The following CHMP4C variants were observed in gnomAD, a reference collection of about 807,000 sequenced individuals.
CHMP4C encodes SNF7 homolog associated with Alix 3.
A neutral mutation model predicts 29.0 loss-of-function variants in CHMP4C; 28 were observed. That is an observed-to-expected ratio of 0.97 (90% CI 0.72 to 1.32). CHMP4C has a LOEUF of 1.32. CHMP4C is among the 40% of genes most tolerant of loss of function. The pLI is 0.00. For missense variants in CHMP4C, 291 were observed against 281.0 expected (o/e 1.04, Z -0.25); for synonymous variants, 106 against 102.4 (o/e 1.04, Z -0.21).
At chr8:81,746,836 C>A (rs146465237) in intron 1 of CHMP4C, among the ~76,000 whole-genome samples, 1 of 152,178 alleles carries the variant, frequency 6.6e-6, no homozygotes, top group African/African-American at 2.4e-5. Flanking sequence ...CAGTGTCATA[C>A]CATGAGAGTC....
intron 3 of CHMP4C, 72 bp downstream of exon 3, chr8:81,755,556 G>T (rs916633651): frequency 1.3e-6 from 1 of 786,072 alleles, no homozygotes; most frequent in Middle Eastern, 2.4e-4. Flanking sequence ...TATATAGTAG[G>T]CATGTTCCCT....
chr8:81,745,926 C>T (rs1376251995), intron 1 of CHMP4C, among the ~76,000 whole-genome samples: 2 of 152,160 alleles, frequency 1.3e-5, no homozygotes, highest in Non-Finnish European at 2.9e-5. Flanking sequence ...TGAAAATGTC[C>T]TTTTTGGCCA....
intron 1 of CHMP4C, among the ~76,000 whole-genome samples, chr8:81,741,015 G>T (rs1808756615): frequency 6.6e-6 from 1 of 152,074 alleles, no homozygotes; most frequent in Non-Finnish European, 1.5e-5. Flanking sequence ...ATTGGCTTAG[G>T]GTAATCATCA....
At chr8:81,752,344 C>T (rs1585946816) in intron 1 of CHMP4C, among the ~76,000 whole-genome samples, 2 of 152,058 alleles carry the variant, frequency 1.3e-5, no homozygotes, top group African/African-American at 4.8e-5. Flanking sequence ...GTCAAGAGGG[C>T]TCTACTTGTT....
chr8:81,741,638 A>G (rs974653089), intron 1 of CHMP4C, among the ~76,000 whole-genome samples: 1 of 152,182 alleles, frequency 6.6e-6, no homozygotes, highest in African/African-American at 2.4e-5. Flanking sequence ...CTATTTTGAC[A>G]TTCGTTTTTT....
chr8:81,756,367 C>A (rs1360287009), intron 3 of CHMP4C, among the ~76,000 whole-genome samples: 1 of 152,102 alleles, frequency 6.6e-6, no homozygotes, highest in Non-Finnish European at 1.5e-5. Context: ...ATGCAGCCTG[C>A]AAATCCTGCA....
chr8:81,755,270 G>C, intron 2 of CHMP4C, 100 bp from the exon 3 acceptor site: 1 of 510,922 alleles, frequency 2.0e-6, no homozygotes, highest in Non-Finnish European at 3.4e-6. Context: ...AAATAACTAA[G>C]AATTTATATT....
chr8:81,750,504 G>A (rs1808886880), intron 1 of CHMP4C, among the ~76,000 whole-genome samples: 1 of 151,820 alleles, frequency 6.6e-6, no homozygotes, highest in South Asian at 2.1e-4. Flanking sequence ...TACTCTGAAA[G>A]CTAAGGCAGG....
Position 81,732,753 on chromosome 8 carries a change from C to T in CHMP4C, c.127C>T (p.Leu43=). 6.2e-7 allele frequency: 1 copy of T among 1,610,434 alleles called. No homozygotes were observed. Among genetic ancestry groups the T allele is most frequent in the Non-Finnish European group, 8.5e-7 (1 of 1,178,514 alleles). ...EEMLGKKQEY[L]ENRIQREIAL... ...GATGCTGGGCAAGAAACAAGAGTAC[C>T]TGGAAAATCGAATCCAGAGAGAAAT... The change falls in exon 1 of 5, where the codon CTG becomes TTG. Residue 43 remains leucine (L), a synonymous_variant. Transcript: ENST00000297265.
At chr8:81,738,599 C>A (rs934558878) in intron 1 of CHMP4C, among the ~76,000 whole-genome samples, 7 of 152,164 alleles carry the variant, frequency 4.6e-5, no homozygotes, top group African/African-American at 1.7e-4. Flanking sequence ...AGTCCTCAGA[C>A]ACTGCAGATC....
chr8:81,755,602 G>T (rs906738957), intron 3 of CHMP4C, 118 bp downstream of exon 3: 11 of 552,306 alleles, frequency 2.0e-5, no homozygotes, highest in Non-Finnish European at 3.6e-5. Context: ...TGTAAGAAAG[G>T]TACTTCTCTT....
chr8:81,738,577 G>C lies in CHMP4C; in HGVS notation c.190+5761G>C, dbSNP rs547456741. ...TGCTTTTTATCATAGTTGTCATAGA[G>C]CTCAATTCTGCAGTCCTCAGACACT... On this transcript the variant is annotated intron_variant, in intron 1 of 4. Transcript: ENST00000297265. 1.8e-4 allele frequency among the ~76,000 whole-genome samples: 28 copies of C among 152,274 alleles called. 1 individual carries two copies. The highest frequency in any genetic ancestry group is 6.7e-4 in the African/African-American group (28 of 41,564).
At chr8:81,747,634 T>C (rs1808844400) in intron 1 of CHMP4C, among the ~76,000 whole-genome samples, 1 of 152,178 alleles carries the variant, frequency 6.6e-6, no homozygotes, top group Non-Finnish European at 1.5e-5. Flanking sequence ...GGTTCTTTTC[T>C]ATTTTCCTAA....
intron 1 of CHMP4C, among the ~76,000 whole-genome samples, chr8:81,750,464 C>T (rs1808886031): frequency 6.6e-6 from 1 of 151,368 alleles, no homozygotes; most frequent in African/African-American, 2.4e-5. Flanking sequence ...AAAAAGACTC[C>T]GTACAGTGAC....
chr8:81,740,284 G>T (rs780125239), intron 1 of CHMP4C, among the ~76,000 whole-genome samples: 6 of 152,198 alleles, frequency 3.9e-5, no homozygotes, highest in Non-Finnish European at 5.9e-5. Flanking sequence ...TGGCTGTTTG[G>T]GGGGTAGGGG....
At chr8:81,756,102 A>G (rs1018693320) in intron 3 of CHMP4C, among the ~76,000 whole-genome samples, 2 of 152,166 alleles carry the variant, frequency 1.3e-5, no homozygotes, top group East Asian at 1.9e-4. Flanking sequence ...AAAGAATCCA[A>G]CTTCCTGCAT....
intron 1 of CHMP4C, among the ~76,000 whole-genome samples, chr8:81,734,336 T>C (rs533118327): frequency 2.6e-5 from 4 of 152,258 alleles, no homozygotes; most frequent in African/African-American, 9.6e-5. Context: ...TGGTGGTGGT[T>C]GTTGTTGTTT....
At position 81,744,619 on chromosome 8, in the gene CHMP4C, A is replaced by G. The variant is rs150620473; in HGVS notation, c.191-8445A>G. Among the ~76,000 whole-genome samples the G allele has an allele frequency of 1.1e-4, 17 of 152,306 alleles. No individual in the cohort carries two copies. In the East Asian group the frequency reaches 3.1e-3, roughly 28 times the overall value. On this transcript the variant is annotated intron_variant, in intron 1 of 4. Transcript: ENST00000297265. ...TCTGGGTACCCACTGCACCTTGTAC[A>G]TATCTCTTCTTATTCTCCTCTACAT...
At chr8:81,755,634 T>A (rs994965499) in intron 3 of CHMP4C, 150 bp downstream of exon 3, 1 of 495,650 alleles carries the variant, frequency 2.0e-6, no homozygotes, top group African/African-American at 2.0e-5. Flanking sequence ...AAAGTGTTAG[T>A]ACCTCTGATT....
Sources: allele counts gnomAD v4.1 joint callset (sites outside exome capture counted in the v4.1 genomes callset), GRCh38; gene constraint gnomAD v4.1.1; transcripts MANE v1.5; gene names NCBI Gene and HGNC (gene_info 2026-07-23, HGNC 2026-07-21).